CREB5: variants seen among roughly 807,000 people sequenced by gnomAD.
CREB5 encodes cAMP responsive element binding protein 5, also known as cyclic AMP-responsive element-binding protein 5.
CREB5 carries 19 observed loss-of-function variants against 57.1 expected under a neutral mutation model. The ratio of observed to expected loss-of-function variants is 0.33; its 90% CI spans 0.23 to 0.49. CREB5 has a LOEUF of 0.49. Ranked by LOEUF, CREB5 falls within the 20% of genes least tolerant of loss-of-function variation. The pLI, the probability that CREB5 is intolerant of heterozygous loss-of-function variation, is 0.99. For missense variants in CREB5, 579 were observed against 671.6 expected (o/e 0.86, Z 1.52); for synonymous variants, 238 against 238.3 (o/e 1.00, Z 0.01).
rs1259355231 is a variant in CREB5, at chr7:28,825,070, A to G, written c.*5791A>G. The stretch of plus-strand genomic sequence containing the variant: ...TTTAGCCTCAGGACTGAGAATGTGG[A>G]AGCTGAATAAATTAGCTTTAAATAC... On this transcript the variant is annotated 3_prime_UTR_variant, in exon 11 of 11. Transcript: ENST00000357727. 6.5e-6 allele frequency: 1 copy of G among 152,672 alleles called. No homozygotes were observed. Among genetic ancestry groups the G allele is most frequent in the East Asian group, 1.9e-4 (1 of 5,200 alleles). 9.5% of individuals were successfully genotyped at this position (152,672 alleles called of 1,614,324 possible).
intron 1 of CREB5, among the ~76,000 whole-genome samples, chr7:28,466,305 C>G (rs1304453244): frequency 6.7e-6 from 1 of 150,246 alleles, no homozygotes; most frequent in Non-Finnish European, 1.5e-5. Context: ...AGATAATGTC[C>G]TATCTCTCAT....
chr7:28,699,051 C>T (rs1350362293), intron 5 of CREB5, among the ~76,000 whole-genome samples: 1 of 152,118 alleles, frequency 6.6e-6, no homozygotes, highest in Non-Finnish European at 1.5e-5. Context: ...GGGTGGGAAG[C>T]CATGGGCTGG....
chr7:28,560,937 C>CGTGTGT (rs368310579), intron 4 of CREB5, among the ~76,000 whole-genome samples: 1 of 35,544 alleles, frequency 2.8e-5, no homozygotes, highest in African/African-American at 1.1e-4. Flanking sequence ...TGCGTGTGTG[C>CGTGTGT]GTGCGTGTGT....
intron 1 of CREB5, among the ~76,000 whole-genome samples, chr7:28,379,095 G>C (rs1191293639): frequency 6.6e-6 from 1 of 152,160 alleles, no homozygotes; most frequent in Non-Finnish European, 1.5e-5. Flanking sequence ...TACTTTCATG[G>C]CTTTCTGAAA....
At chr7:28,569,325 C>T (rs1489082625) in intron 4 of CREB5, among the ~76,000 whole-genome samples, 1 of 152,042 alleles carries the variant, frequency 6.6e-6, no homozygotes, top group Non-Finnish European at 1.5e-5. Context: ...CACTACACCG[C>T]TTTCTCTTTC....
At chr7:28,686,666 C>T (rs955149154) in intron 5 of CREB5, among the ~76,000 whole-genome samples, 5 of 151,996 alleles carry the variant, frequency 3.3e-5, no homozygotes, top group Admixed American at 1.3e-4. Context: ...ATGCAAGAAC[C>T]GAAGGGTAGT....
At chr7:28,725,015 T>C (rs1247129913) in intron 7 of CREB5, among the ~76,000 whole-genome samples, 2 of 152,226 alleles carry the variant, frequency 1.3e-5, no homozygotes, top group East Asian at 3.8e-4. Context: ...TTGGTGATTA[T>C]ATTTAGTGGA....
chr7:28,335,737 T>C (rs954247824), intron 1 of CREB5, among the ~76,000 whole-genome samples: 4 of 152,178 alleles, frequency 2.6e-5, no homozygotes, highest in Non-Finnish European at 5.9e-5. Context: ...TCCAGTACTA[T>C]GTGGTGTAAC....
At chr7:28,578,589 T>C (rs1795993434) in intron 5 of CREB5, among the ~76,000 whole-genome samples, 1 of 152,232 alleles carries the variant, frequency 6.6e-6, no homozygotes, top group Non-Finnish European at 1.5e-5. Flanking sequence ...TATTTGGAGC[T>C]TTTATATTCT....
intron 5 of CREB5, among the ~76,000 whole-genome samples, chr7:28,585,147 G>C (rs879906306): frequency 7.2e-5 from 11 of 152,224 alleles, no homozygotes; most frequent in African/African-American, 9.6e-5. Context: ...GTAGTTGCGG[G>C]ATTCTGAAGC....
intron 5 of CREB5, among the ~76,000 whole-genome samples, chr7:28,699,643 T>A (rs1431902647): frequency 1.3e-5 from 2 of 152,188 alleles, no homozygotes; most frequent in Admixed American, 6.5e-5. Flanking sequence ...ACTGTATAAA[T>A]GAAAACTGGA....
chr7:28,468,607 T>C (rs1397309116), intron 1 of CREB5, among the ~76,000 whole-genome samples: 1 of 152,190 alleles, frequency 6.6e-6, no homozygotes, highest in Non-Finnish European at 1.5e-5. Context: ...AAATCCTGAC[T>C]CCTACAGGTC....
intron 4 of CREB5, among the ~76,000 whole-genome samples, chr7:28,531,846 T>G (rs1322410852): frequency 1.3e-5 from 2 of 151,776 alleles, no homozygotes; most frequent in African/African-American, 4.8e-5. Flanking sequence ...CTGGCTAACA[T>G]GGTGAAACCC....
At chr7:28,369,067 A>G (rs1271643341) in intron 1 of CREB5, among the ~76,000 whole-genome samples, 1 of 152,004 alleles carries the variant, frequency 6.6e-6, no homozygotes, top group Admixed American at 6.6e-5. Context: ...CAAACAAACA[A>G]ACAAACAAAA....
Position 28,574,128 on chromosome 7 carries a change from T to C in CREB5, c.464+3591T>C, listed in dbSNP as rs192962928. Among the ~76,000 whole-genome samples, 543 of 152,318 alleles carry C rather than the reference T, an allele frequency of 3.6e-3. 1 individual carries two copies. Among genetic ancestry groups the C allele is most frequent in the Non-Finnish European group, 5.7e-3 (391 of 68,034 alleles). On this transcript the variant is annotated intron_variant, in intron 5 of 10. Coordinates refer to ENST00000357727, the MANE Select transcript of CREB5 (RefSeq NM_182898.4). ...CTCTGCCGGGAAGAGTGTCTTTGGC[T>C]GATTGATGGTAGCGTTTTCAGAGAT...
At chr7:28,759,304 G>A (rs909995039) in intron 7 of CREB5, among the ~76,000 whole-genome samples, 2 of 152,134 alleles carry the variant, frequency 1.3e-5, no homozygotes, top group Admixed American at 6.6e-5. Context: ...CCAAAACAAA[G>A]AGAACAAGCA....
intron 5 of CREB5, among the ~76,000 whole-genome samples, chr7:28,646,432 C>A (rs1798891438): frequency 6.6e-6 from 1 of 152,184 alleles, no homozygotes; most frequent in Non-Finnish European, 1.5e-5. Flanking sequence ...CTGCCATCTC[C>A]TTAAATATTT....
At chr7:28,563,712 G>T (rs1378866959) in intron 4 of CREB5, among the ~76,000 whole-genome samples, 1 of 152,166 alleles carries the variant, frequency 6.6e-6, no homozygotes, top group East Asian at 1.9e-4. Flanking sequence ...TGAAAAAGCA[G>T]AATTTAAATA....
At chr7:28,783,045 A>G (rs1352962120) in intron 7 of CREB5, among the ~76,000 whole-genome samples, 2 of 152,218 alleles carry the variant, frequency 1.3e-5, no homozygotes, top group Non-Finnish European at 2.9e-5. Context: ...TTGCTTCCAC[A>G]TAATTGGGGA....
Sources: gnomAD v4.1 joint callset for allele counts (sites outside exome capture counted in the v4.1 genomes callset) on GRCh38, gnomAD v4.1.1 for gene constraint, MANE v1.5 for transcripts, NCBI Gene and HGNC (gene_info 2026-07-23, HGNC 2026-07-21) for gene names.